Variants in STAG1 observed in about 807,000 individuals in gnomAD.
STAG1 encodes the protein STAG1 cohesin complex component.
A neutral mutation model predicts 170.9 loss-of-function variants in STAG1; 26 were observed. The ratio of observed to expected loss-of-function variants is 0.15; its 90% CI spans 0.11 to 0.21. The LOEUF (loss-of-function observed/expected upper bound fraction) is 0.21, where lower values mean the gene tolerates loss of function less well. Among genes scored for constraint, STAG1 ranks in the 10% least tolerant of loss-of-function variants. The pLI is 1.00. For missense variants in STAG1, 964 were observed against 1,509.5 expected (o/e 0.64, Z 5.99); for synonymous variants, 514 against 497.7 (o/e 1.03, Z -0.44).
intron 14 of STAG1, among the ~76,000 whole-genome samples, chr3:136,444,198 C>T (rs535912654): frequency 1.3e-5 from 2 of 152,226 alleles, no homozygotes; most frequent in East Asian, 1.9e-4. Flanking sequence ...CTCAGCCTCC[C>T]GAGTAGCTGG....
intron 4 of STAG1, among the ~76,000 whole-genome samples, chr3:136,589,656 T>C (rs1360953583): frequency 1.1e-5 from 1 of 88,808 alleles, no homozygotes; most frequent in South Asian, 3.1e-4. Flanking sequence ...AAAAGCCAAA[T>C]GCAGTGGCTC....
chr3:136,500,196 T>C (rs1933392751), intron 9 of STAG1, 27 bp downstream of exon 9: 2 of 1,418,510 alleles, frequency 1.4e-6, no homozygotes, highest in African/African-American at 1.4e-5. Flanking sequence ...GTGAAAAGCC[T>C]TCAAAATTAT....
At chr3:136,624,022 A>G (rs1487411509) in intron 2 of STAG1, among the ~76,000 whole-genome samples, 1 of 152,164 alleles carries the variant, frequency 6.6e-6, no homozygotes, top group Non-Finnish European at 1.5e-5. Flanking sequence ...ATAAAACACA[A>G]AACACTCTTT....
chr3:136,635,375 T>G (rs1940511631), intron 1 of STAG1, among the ~76,000 whole-genome samples: 1 of 152,070 alleles, frequency 6.6e-6, no homozygotes, highest in Non-Finnish European at 1.5e-5. Flanking sequence ...AACTACATGA[T>G]CATACCAAAA....
chr3:136,435,492 G>C (rs75268054), intron 15 of STAG1, among the ~76,000 whole-genome samples: 1,585 of 151,912 alleles, frequency 0.01, 15 homozygotes, highest in Non-Finnish European at 0.018. Flanking sequence ...TGCTTAGTTA[G>C]TTCGTATTCA....
chr3:136,725,117 G>A lies in STAG1; in HGVS notation c.-84+27078C>T, dbSNP rs542952694. Among the ~76,000 whole-genome samples the A allele has an allele frequency of 2.6e-5, 4 of 152,274 alleles. No individual in the cohort carries two copies. The South Asian group carries it at 8.3e-4, about 32-fold the overall frequency. ...TCTAGATGTTCCTCAACATTTCTGT[G>A]TAAATCTAGTGATATTTTTTCCCGT... is the stretch of plus-strand genomic sequence containing the variant. On this transcript the variant is annotated intron_variant, in intron 1 of 33. Coordinates refer to ENST00000383202, the MANE Select transcript of STAG1 (RefSeq NM_005862.3).
At chr3:136,635,101 G>C (rs979683233) in intron 1 of STAG1, among the ~76,000 whole-genome samples, 1 of 152,242 alleles carries the variant, frequency 6.6e-6, no homozygotes, top group African/African-American at 2.4e-5. Context: ...AAAGAGACAA[G>C]AAGGAACTAC....
At chr3:136,515,058 A>G (rs559315860) in intron 7 of STAG1, among the ~76,000 whole-genome samples, 1 of 152,150 alleles carries the variant, frequency 6.6e-6, no homozygotes, top group East Asian at 1.9e-4. Context: ...CTTAAAGTAT[A>G]ATTAAAAAAA....
At chr3:136,370,072 TATACTATAC>T (rs1937245040) in intron 23 of STAG1, among the ~76,000 whole-genome samples, 1 of 149,234 alleles carries the variant, frequency 6.7e-6, no homozygotes, top group Admixed American at 6.7e-5. Context: ...TATACTATAC[TATACTATAC>T]TATACTATAC....
chr3:136,526,528 A>C (rs2107918493), intron 6 of STAG1, among the ~76,000 whole-genome samples: 1 of 152,252 alleles, frequency 6.6e-6, no homozygotes, highest in South Asian at 2.1e-4. Flanking sequence ...CAGCACACTG[A>C]TGGGTCTTGA....
chr3:136,352,129 CA>C (rs1936456577), intron 28 of STAG1, among the ~76,000 whole-genome samples: 1 of 151,854 alleles, frequency 6.6e-6, no homozygotes, highest in African/African-American at 2.4e-5. Context: ...ATTATTATTT[CA>C]AAAGATATCA....
chr3:136,570,007 T>C (rs896680329), intron 4 of STAG1, among the ~76,000 whole-genome samples: 1 of 152,082 alleles, frequency 6.6e-6, no homozygotes, highest in African/African-American at 2.4e-5. Context: ...TGGGCAGAGG[T>C]AGGGATCAGA....
chr3:136,399,664 C>A (rs977493760), intron 21 of STAG1, among the ~76,000 whole-genome samples: 2 of 152,000 alleles, frequency 1.3e-5, no homozygotes, highest in Non-Finnish European at 2.9e-5. Flanking sequence ...GATCATATTG[C>A]GATTAACATG....
At chr3:136,512,096 T>TAAAAAAAAAA (rs35238532) in intron 7 of STAG1, among the ~76,000 whole-genome samples, 10 of 68,188 alleles carry the variant, frequency 1.5e-4, no homozygotes, top group Admixed American at 3.7e-4. Flanking sequence ...CTCTACAAAA[T>TAAAAAAAAAA]AAAAAAAAAA....
chr3:136,500,075 T>C, intron 9 of STAG1, 148 bp downstream of exon 9: 3 of 577,708 alleles, frequency 5.2e-6, no homozygotes, highest in Non-Finnish European at 9.5e-6. Context: ...TCTTCTATAG[T>C]TGTAGTGTGA....
At chr3:136,534,058 C>G (rs2107714875) in intron 6 of STAG1, among the ~76,000 whole-genome samples, 1 of 152,176 alleles carries the variant, frequency 6.6e-6, no homozygotes, top group Middle Eastern at 3.4e-3. Context: ...TAAAAATAAC[C>G]ACACATACCA....
rs570404029 is a variant in STAG1 at position 136,459,932 on chromosome 3, G to T, written c.1313+4949C>A. 1.5e-4 allele frequency among the ~76,000 whole-genome samples: 23 copies of T among 151,994 alleles called. No homozygotes were observed. The South Asian group carries it at 4.8e-3, about 32-fold the overall frequency. The stretch of plus-strand genomic sequence containing the variant: ...AAAACTTCAAACAGACAACAATAAT[G>T]AAAGGTATCAAGGAACTAGAAGACC... On this transcript the variant is annotated intron_variant, in intron 13 of 33. Transcript: ENST00000383202.
chr3:136,715,746 C>T (rs994838565), intron 1 of STAG1, among the ~76,000 whole-genome samples: 3 of 150,970 alleles, frequency 2.0e-5, no homozygotes, highest in African/African-American at 7.3e-5. Context: ...ACCTACCAGA[C>T]ATTATCAATA....
chr3:136,508,997 A>C (rs1331604568), intron 7 of STAG1, among the ~76,000 whole-genome samples: 1 of 152,268 alleles, frequency 6.6e-6, no homozygotes, highest in Non-Finnish European at 1.5e-5. Context: ...AAAAGATGGG[A>C]GCTATTAGCA....
Sources: allele counts gnomAD v4.1 joint callset (sites outside exome capture counted in the v4.1 genomes callset), GRCh38; gene constraint gnomAD v4.1.1; transcripts MANE v1.5; gene names NCBI Gene and HGNC (gene_info 2026-07-23, HGNC 2026-07-21).